The following DFFB variants were observed in gnomAD, a reference collection of about 807,000 sequenced individuals.
DFFB encodes DNA fragmentation factor subunit beta.
DFFB carries 29 observed loss-of-function variants against 32.7 expected under a neutral mutation model. The ratio of observed to expected loss-of-function variants is 0.89; its 90% CI spans 0.66 to 1.21. DFFB has a LOEUF of 1.21. Ranked by LOEUF, DFFB falls within the 50% of genes most tolerant of loss-of-function variation. The pLI, the probability that DFFB is intolerant of heterozygous loss-of-function variation, is 0.00. For missense variants in DFFB, 398 were observed against 440.6 expected (o/e 0.90, Z 0.87); for synonymous variants, 170 against 177.1 (o/e 0.96, Z 0.32).
At position 3,869,754 on chromosome 1, in the gene DFFB, G is replaced by A. The variant is rs543144329; in HGVS notation, c.660G>A (p.Pro220=). 1.1e-5 allele frequency: 18 copies of A among 1,606,632 alleles called. No homozygotes were observed. Among genetic ancestry groups the A allele is most frequent in the South Asian group, 6.6e-5 (6 of 90,810 alleles). Residue 220 remains proline, a synonymous_variant, in exon 5 of 7, where the codon CCG becomes CCA. Transcript: ENST00000378209. ...AGGGCGGCAGCCGCCTCTGCACACC[G>A]GAAGGCTGGTTCTCCTGCCAGGTGA... The part of the protein sequence containing the change: ...GAKGGSRLCT[P]EGWFSCQGPF...
Position 3,877,549 on chromosome 1 carries a change from C to G in DFFB, c.782+4977C>G, listed in dbSNP as rs77865905. Among the ~76,000 whole-genome samples, 1,829 of 151,848 alleles carry G rather than the reference C, an allele frequency of 0.012. 85 individuals carry two copies. The East Asian group carries it at 0.15, about 13-fold the overall frequency. On this transcript the variant is annotated intron_variant, in intron 6 of 6. Transcript: ENST00000378209. Reference sequence around the variant, plus strand: ...TTCACCATGTTGGCCGAGCTGGTCTCGAACTTCTGACCTCAAGTAATCCAC... The same window carrying G: ...TTCACCATGTTGGCCGAGCTGGTCTGGAACTTCTGACCTCAAGTAATCCAC...
chr1:3,858,595 A>G, intron 1 of DFFB, 123 bp from the exon 2 acceptor site: 1 of 1,257,902 alleles, frequency 7.9e-7, no homozygotes, highest in East Asian at 2.4e-5. Context: ...ACTGTGGCAT[A>G]CAGGCGGCAG....
At chr1:3,867,178 G>A (rs1645001326) in intron 3 of DFFB, among the ~76,000 whole-genome samples, 1 of 152,244 alleles carries the variant, frequency 6.6e-6, no homozygotes. Context: ...TCACAGGCGT[G>A]AGCCACCACG....
chr1:3,883,881 C>A lies in DFFB; in HGVS notation c.*140C>A. 2 of 652,314 alleles carry A rather than the reference C, an allele frequency of 3.1e-6. No individual in the cohort carries two copies. The highest frequency in any genetic ancestry group is 5.3e-6 in the Non-Finnish European group (2 of 375,128). The allele number at this position is 652,314 out of a possible 1,614,324, so 40.4% of individuals were successfully genotyped here. A position where few individuals can be genotyped will look rare whatever the true frequency, so the allele number is the denominator to read the frequency against. Reference sequence around the variant, plus strand: ...AAAAAACCTTAAAAAATGTTTCCTCCAAATCTGATTTCATTACATTTCTGA... The same window carrying A: ...AAAAAACCTTAAAAAATGTTTCCTCAAAATCTGATTTCATTACATTTCTGA... On this transcript the variant is annotated 3_prime_UTR_variant, in exon 7 of 7. Coordinates refer to ENST00000378209, the MANE Select transcript of DFFB (RefSeq NM_004402.4).
intron 6 of DFFB, among the ~76,000 whole-genome samples, chr1:3,873,667 C>T (rs558670174): frequency 8.5e-5 from 13 of 152,092 alleles, no homozygotes; most frequent in African/African-American, 2.2e-4. Context: ...TTAGTAGAGA[C>T]GGGATTTCTC....
chr1:3,878,294 G>A (rs1379962551), intron 6 of DFFB, among the ~76,000 whole-genome samples: 1 of 152,058 alleles, frequency 6.6e-6, no homozygotes, highest in African/African-American at 2.4e-5. Flanking sequence ...TGGGATTACA[G>A]GCACCTGCCA....
intron 2 of DFFB, among the ~76,000 whole-genome samples, chr1:3,862,350 A>G (rs1392753413): frequency 6.6e-6 from 1 of 150,946 alleles, no homozygotes; most frequent in Non-Finnish European, 1.5e-5. Context: ...CATTGTAGAA[A>G]TTGACATGCT....
intron 6 of DFFB, among the ~76,000 whole-genome samples, chr1:3,881,126 G>A (rs147807634): frequency 9.2e-5 from 14 of 152,314 alleles, no homozygotes; most frequent in African/African-American, 3.4e-4. Context: ...TGGGGGACTT[G>A]TCCCCTCTGA....
rs1432494747 is a variant in DFFB at position 3,859,097 on chromosome 1, G to A, written c.241+253G>A. Among the ~76,000 whole-genome samples the A allele has an allele frequency of 2.6e-5, 4 of 152,252 alleles. No individual in the cohort carries two copies. The South Asian group carries it at 6.2e-4, about 24-fold the overall frequency. On this transcript the variant is annotated intron_variant, in intron 2 of 6. Transcript: ENST00000378209. ...CAAAAAATCTTTTAATTTTATTTGC[G>A]TTCATTTGAGGTGTCCTAGCAATTC...
chr1:3,866,032 G>T (rs1225733384), intron 3 of DFFB, 32 bp downstream of exon 3: 9 of 1,505,912 alleles, frequency 6.0e-6, no homozygotes, highest in South Asian at 1.3e-5. Context: ...CAGGGGAGAG[G>T]CTTCTTTGGA....
At chr1:3,871,356 G>A (rs1234819028) in intron 5 of DFFB, among the ~76,000 whole-genome samples, 1 of 152,086 alleles carries the variant, frequency 6.6e-6, no homozygotes, top group Middle Eastern at 3.2e-3. Context: ...GTGCGATCTC[G>A]GCTCACTGCA....
At chr1:3,873,011 T>A (rs1263343103) in intron 6 of DFFB, 2 of 1,272,926 alleles carry the variant, frequency 1.6e-6, no homozygotes, top group East Asian at 1.1e-4. Flanking sequence ...CTTTTTCTTT[T>A]AGAGATGGAG....
chr1:3,868,191 T>A, intron 4 of DFFB, 138 bp downstream of exon 4: 1 of 812,746 alleles, frequency 1.2e-6, no homozygotes. Context: ...GGGGCTGCTC[T>A]GGTGAGGGAA....
intron 5 of DFFB, among the ~76,000 whole-genome samples, chr1:3,870,003 G>A (rs1306477678): frequency 1.3e-5 from 2 of 152,234 alleles, no homozygotes; most frequent in Admixed American, 6.5e-5. Flanking sequence ...TGCAGGGCCC[G>A]CCCCAGGGCT....
chr1:3,875,443 T>A (rs1048637793), intron 6 of DFFB, among the ~76,000 whole-genome samples: 19 of 152,108 alleles, frequency 1.2e-4, no homozygotes, highest in African/African-American at 4.6e-4. Flanking sequence ...ACACCTCTGT[T>A]CCCTCTCTGA....
intron 6 of DFFB, among the ~76,000 whole-genome samples, chr1:3,881,014 CACACCCTGTGT>C (rs1185494569): frequency 6.6e-6 from 1 of 152,186 alleles, no homozygotes. Context: ...TCCCGATGTC[CACACCCTGTGT>C]GCTCCCCTGC....
chr1:3,864,448 C>T (rs987134969), intron 2 of DFFB, among the ~76,000 whole-genome samples: 2 of 152,168 alleles, frequency 1.3e-5, no homozygotes, highest in African/African-American at 4.8e-5. Flanking sequence ...TAATTTTAGC[C>T]ATTCTGATTG....
At chr1:3,870,003 G>T (rs1306477678) in intron 5 of DFFB, among the ~76,000 whole-genome samples, 1 of 152,234 alleles carries the variant, frequency 6.6e-6, no homozygotes, top group African/African-American at 2.4e-5. Context: ...TGCAGGGCCC[G>T]CCCCAGGGCT....
chr1:3,871,804 C>T (rs1439001853), intron 5 of DFFB, among the ~76,000 whole-genome samples: 1 of 152,216 alleles, frequency 6.6e-6, no homozygotes. Flanking sequence ...GGCATCTGCT[C>T]AGCTGCCGGG....
Sources: allele counts gnomAD v4.1 joint callset (sites outside exome capture counted in the v4.1 genomes callset), GRCh38; gene constraint gnomAD v4.1.1; transcripts MANE v1.5; gene names NCBI Gene and HGNC (gene_info 2026-07-23, HGNC 2026-07-21).